Variants in ZFAT observed in about 807,000 individuals in gnomAD.
ZFAT encodes zinc finger protein ZFAT.
Under a neutral mutation model 117.7 loss-of-function variants are expected in ZFAT, and 64 were observed. The observed-to-expected ratio is 0.54, with a 90% CI of 0.44 to 0.67. The LOEUF is 0.67. Among genes scored for constraint, ZFAT ranks in the 30% least tolerant of loss-of-function variants. The pLI is 0.00. For missense variants in ZFAT, 1,433 were observed against 1,584.5 expected, an observed-to-expected ratio of 0.90 and a Z score of 1.62; for synonymous variants, 679 against 615.0, an observed-to-expected ratio of 1.10 and a Z score of -1.54.
chr8:134,644,615 A>G (rs1449006665), intron 2 of ZFAT, among the ~76,000 whole-genome samples: 1 of 151,620 alleles, frequency 6.6e-6, no homozygotes, highest in African/African-American at 2.4e-5. Context: ...ACATGTGCAC[A>G]CTCCCAAATG....
rs746527214 is a variant in ZFAT, at chr8:134,532,855, C to T, written c.3094G>A (p.Ala1032Thr). ...CTACCTTGCTGGATGAGCACCTCCG[C>T]TGCCAGCTCCCCGGTGCCCACGTTG... Reference protein sequence around the residue: ...YANVGTGELAAEVLIQQGGLK... With the variant: ...YANVGTGELATEVLIQQGGLK... The change falls in exon 12 of 16, where the codon GCG becomes ACG. Residue 1032 changes from alanine to threonine, a missense_variant. Transcript: ENST00000377838. 6 of 1,610,106 alleles carry T rather than the reference C, an allele frequency of 3.7e-6. No homozygotes were observed. The highest frequency in any genetic ancestry group is 2.2e-5 in the South Asian group (2 of 89,950).
the ZFAT span, among the ~76,000 whole-genome samples, chr8:134,745,332 C>T: frequency 6.6e-6 from 1 of 152,204 alleles, no homozygotes; most frequent in African/African-American, 2.4e-5. Flanking sequence ...CTCTTGCCAT[C>T]TGCTGGGTGG....
intron 2 of ZFAT, among the ~76,000 whole-genome samples, chr8:134,653,292 C>CAA (rs1261978262): frequency 9.7e-6 from 1 of 102,596 alleles, no homozygotes; most frequent in East Asian, 2.2e-4. Flanking sequence ...AAAAAAAAAA[C>CAA]AAAAAACAGG....
intron 10 of ZFAT, among the ~76,000 whole-genome samples, chr8:134,572,354 A>C (rs1824979968): frequency 6.6e-6 from 1 of 152,208 alleles, no homozygotes; most frequent in Non-Finnish European, 1.5e-5. Flanking sequence ...CTGTGCTCTA[A>C]CAGAAAAGCA....
the ZFAT span, among the ~76,000 whole-genome samples, chr8:134,724,170 T>C: frequency 6.6e-6 from 1 of 152,176 alleles, no homozygotes. Context: ...GGTGGACATG[T>C]AAAGAAACTT....
chr8:134,737,601 T>C, the ZFAT span, among the ~76,000 whole-genome samples: 4 of 152,252 alleles, frequency 2.6e-5, no homozygotes, highest in Admixed American at 2.0e-4. Context: ...GACACATCTT[T>C]AGGACCTTAT....
chr8:134,664,755 T>G (rs1038196095), intron 1 of ZFAT, among the ~76,000 whole-genome samples: 1 of 152,262 alleles, frequency 6.6e-6, no homozygotes, highest in Non-Finnish European at 1.5e-5. Flanking sequence ...AAAAAATATA[T>G]CTTGCACCCT....
At chr8:134,680,151 A>G (rs530821921) in intron 1 of ZFAT, among the ~76,000 whole-genome samples, 2 of 151,864 alleles carry the variant, frequency 1.3e-5, no homozygotes, top group Admixed American at 6.6e-5. Context: ...AGTCCCAGCT[A>G]CTTGGGAGGC....
Position 134,478,194 on chromosome 8 carries a change from A to C in ZFAT, c.*288T>G. ...GTTTGAATCTTGAAGCAAGGGGTGA[A>C]GGTGTGGGGTGTGTGTAGGGGAGCT... On this transcript the variant is annotated 3_prime_UTR_variant, in exon 16 of 16. Coordinates refer to ENST00000377838, the MANE Select transcript of ZFAT (RefSeq NM_020863.4). This position sits in a 1 kb window ranked among gnomAD's most constrained non-coding sequence, Gnocchi z 5.2. 1 of 412,644 alleles carries C rather than the reference A, an allele frequency of 2.4e-6. No homozygotes were observed. The highest frequency in any genetic ancestry group is 4.4e-6 in the Non-Finnish European group (1 of 226,954). The allele number at this position is 412,644 out of a possible 1,614,324, so 25.6% of individuals were successfully genotyped here. A position where few individuals can be genotyped will look rare whatever the true frequency, so the allele number is the denominator to read the frequency against.
At chr8:134,719,584 G>C in the ZFAT span, among the ~76,000 whole-genome samples, 1 of 152,192 alleles carries the variant, frequency 6.6e-6, no homozygotes, top group African/African-American at 2.4e-5. Flanking sequence ...AAGGGCACTG[G>C]TGGGGAGTGG....
intron 11 of ZFAT, among the ~76,000 whole-genome samples, chr8:134,546,836 G>A (rs1867062): frequency 0.2 from 29,958 of 152,148 alleles, 3,441 homozygotes; most frequent in East Asian, 0.33. Flanking sequence ...AGAGCAGTCT[G>A]CATGGAGATG....
chr8:134,589,404 C>A (rs113972385), intron 8 of ZFAT, among the ~76,000 whole-genome samples: 1 of 152,284 alleles, frequency 6.6e-6, no homozygotes, highest in African/African-American at 2.4e-5. Context: ...TGAGTCAGTT[C>A]CCTTATACCA....
chr8:134,664,321 G>T (rs188164004), intron 1 of ZFAT, among the ~76,000 whole-genome samples: 1 of 152,142 alleles, frequency 6.6e-6, no homozygotes, highest in Non-Finnish European at 1.5e-5. Context: ...GTGCCACATG[G>T]CCTGTCCAGG....
chr8:134,729,123 A>T, the ZFAT span, among the ~76,000 whole-genome samples: 1 of 152,238 alleles, frequency 6.6e-6, no homozygotes, highest in African/African-American at 2.4e-5. Context: ...CTTTGTAAAG[A>T]ACGCTGGCCT....
chr8:134,565,327 T>A lies in ZFAT; in HGVS notation c.2976+6A>T, dbSNP rs1282322951. 6.2e-7 allele frequency: 1 copy of A among 1,613,504 alleles called. No individual in the cohort carries two copies. On this transcript the variant is annotated splice_donor_region_variant and intron_variant, in intron 11 of 15. Coordinates refer to ENST00000377838, the MANE Select transcript of ZFAT (RefSeq NM_020863.4). ...ACATCTGCCTTCTTCTCCAGAGCCC[T>A]CTTACCTTGAAGGAGACATGCTGTT...
intron 1 of ZFAT, among the ~76,000 whole-genome samples, chr8:134,672,193 A>G (rs1482770327): frequency 2.0e-5 from 3 of 152,402 alleles, no homozygotes; most frequent in South Asian, 2.1e-4. Flanking sequence ...GGTAATTTAT[A>G]GATTCAATGC....
At chr8:134,616,677 G>C (rs868550523) in intron 3 of ZFAT, among the ~76,000 whole-genome samples, 1 of 152,128 alleles carries the variant, frequency 6.6e-6, no homozygotes, top group African/African-American at 2.4e-5. Flanking sequence ...GATGGGTTTT[G>C]CTTCTCCCTC....
intron 7 of ZFAT, among the ~76,000 whole-genome samples, chr8:134,591,830 C>T (rs760262686): frequency 2.6e-5 from 4 of 152,184 alleles, no homozygotes; most frequent in Non-Finnish European, 4.4e-5. Flanking sequence ...ACCACATCCT[C>T]CCCCACAGCC....
At chr8:134,480,296 G>A (rs1041263621) in intron 15 of ZFAT, among the ~76,000 whole-genome samples, 3 of 152,136 alleles carry the variant, frequency 2.0e-5, no homozygotes, top group African/African-American at 7.2e-5. Context: ...GCTGCTGCCT[G>A]GAAAGTATTC....
Sources: allele counts gnomAD v4.1 joint callset (sites outside exome capture counted in the v4.1 genomes callset), GRCh38; gene constraint gnomAD v4.1.1; non-coding constraint Gnocchi (gnomAD v3.1); transcripts MANE v1.5; gene names NCBI Gene and HGNC (gene_info 2026-07-23, HGNC 2026-07-21).